The following TMEM132D variants were observed in gnomAD, a reference collection of about 807,000 sequenced individuals.
The protein encoded by TMEM132D is transmembrane protein 132D.
Under a neutral mutation model 62.3 loss-of-function variants are expected in TMEM132D, and 21 were observed. That is an observed-to-expected ratio of 0.34 (90% confidence interval 0.24 to 0.49). TMEM132D has a LOEUF of 0.49. TMEM132D is among the 20% of genes least tolerant of loss of function. The probability of loss-of-function intolerance (pLI) is 0.99; values close to 1 mark genes in which losing one functional copy is unlikely to be tolerated. For missense variants in TMEM132D, 1,346 were observed against 1,402.8 expected (o/e 0.96, Z 0.65); for synonymous variants, 621 against 575.6 (o/e 1.08, Z -1.13).
At chr12:129,703,971 G>T (rs1466861516) in intron 1 of TMEM132D, among the ~76,000 whole-genome samples, 2 of 150,328 alleles carry the variant, frequency 1.3e-5, no homozygotes, top group African/African-American at 2.4e-5. Flanking sequence ...GGTACAATCT[G>T]CATGCCATAG....
intron 4 of TMEM132D, among the ~76,000 whole-genome samples, chr12:129,336,919 C>T (rs1869300849): frequency 6.6e-6 from 1 of 152,204 alleles, no homozygotes; most frequent in Non-Finnish European, 1.5e-5. Flanking sequence ...TTGCCATTCC[C>T]AGTGACAGAA....
intron 5 of TMEM132D, among the ~76,000 whole-genome samples, chr12:129,126,068 C>T (rs1876204281): frequency 6.6e-6 from 1 of 152,188 alleles, no homozygotes; most frequent in Non-Finnish European, 1.5e-5. Context: ...TTGGGGATTG[C>T]ATGTGCTCAG....
chr12:129,198,113 G>T (rs1262930670), intron 5 of TMEM132D, among the ~76,000 whole-genome samples: 2 of 152,010 alleles, frequency 1.3e-5, no homozygotes, highest in Non-Finnish European at 2.9e-5. Context: ...TGTCAGAATG[G>T]CTATTATTAA....
At chr12:129,496,587 CAAG>C (rs1454532971) in intron 3 of TMEM132D, among the ~76,000 whole-genome samples, 1 of 151,622 alleles carries the variant, frequency 6.6e-6, no homozygotes, top group African/African-American at 2.4e-5. Context: ...CAAGTGGACA[CAAG>C]AAATATTCAC....
At chr12:129,391,961 T>A (rs1387982820) in intron 3 of TMEM132D, among the ~76,000 whole-genome samples, 1 of 152,070 alleles carries the variant, frequency 6.6e-6, no homozygotes, top group Non-Finnish European at 1.5e-5. Flanking sequence ...TTCACCATGT[T>A]GGCCAGGCTG....
intron 5 of TMEM132D, among the ~76,000 whole-genome samples, chr12:129,207,252 T>A (rs1878880142): frequency 7.1e-6 from 1 of 140,300 alleles, no homozygotes; most frequent in African/African-American, 2.6e-5. Flanking sequence ...AGAAGATGAA[T>A]ACAGCACCGC....
chr12:129,615,360 A>G (rs1039260010), intron 2 of TMEM132D, among the ~76,000 whole-genome samples: 1 of 152,094 alleles, frequency 6.6e-6, no homozygotes, highest in Non-Finnish European at 1.5e-5. Flanking sequence ...GTGAAAGGTT[A>G]CAAAAGGAGG....
At chr12:129,256,131 G>A (rs1880393688) in intron 4 of TMEM132D, among the ~76,000 whole-genome samples, 1 of 152,222 alleles carries the variant, frequency 6.6e-6, no homozygotes, top group Admixed American at 6.5e-5. Context: ...CCAGACTGGA[G>A]TGCAGTGGTG....
intron 3 of TMEM132D, among the ~76,000 whole-genome samples, chr12:129,492,149 CTTTTTCTT>C (rs974646074): frequency 2.9e-4 from 44 of 152,192 alleles, no homozygotes; most frequent in Non-Finnish European, 4.7e-4. Context: ...AGTGTCTTCT[CTTTTTCTT>C]TTTTTCTTAA....
At chr12:129,792,378 A>G (rs1871424303) in intron 1 of TMEM132D, among the ~76,000 whole-genome samples, 1 of 152,154 alleles carries the variant, frequency 6.6e-6, no homozygotes, top group Non-Finnish European at 1.5e-5. Context: ...ATCAATGTGT[A>G]TGTACCCGGT....
At chr12:129,702,613 T>A (rs1881411308) in intron 1 of TMEM132D, among the ~76,000 whole-genome samples, 1 of 152,210 alleles carries the variant, frequency 6.6e-6, no homozygotes, top group African/African-American at 2.4e-5. Flanking sequence ...ATGGTCTCCA[T>A]CTGGGTTTTT....
intron 2 of TMEM132D, among the ~76,000 whole-genome samples, chr12:129,563,454 A>T (rs990846829): frequency 6.6e-6 from 1 of 152,062 alleles, no homozygotes; most frequent in Non-Finnish European, 1.5e-5. Flanking sequence ...CTCCTTCTTA[A>T]TCTTTCTAAG....
chr12:129,859,304 G>A (rs1873814881), intron 1 of TMEM132D, among the ~76,000 whole-genome samples: 1 of 152,196 alleles, frequency 6.6e-6, no homozygotes, highest in African/African-American at 2.4e-5. Context: ...TTAGGTTGGT[G>A]TAAAAGTAAT....
intron 1 of TMEM132D, among the ~76,000 whole-genome samples, chr12:129,783,468 C>A (rs192459091): frequency 1.3e-5 from 2 of 152,314 alleles, no homozygotes; most frequent in South Asian, 2.1e-4. Flanking sequence ...ACACTCCCAT[C>A]TGATGGTGTT....
At chr12:129,257,697 C>A (rs1697031984) in intron 4 of TMEM132D, among the ~76,000 whole-genome samples, 1 of 152,148 alleles carries the variant, frequency 6.6e-6, no homozygotes, top group South Asian at 2.1e-4. Context: ...GCTACCCATG[C>A]AGATGTAGGG....
intron 2 of TMEM132D, among the ~76,000 whole-genome samples, chr12:129,672,256 G>A (rs1236093510): frequency 6.6e-6 from 1 of 152,174 alleles, no homozygotes; most frequent in Non-Finnish European, 1.5e-5. Context: ...AGGGCATTTG[G>A]GCAAAAGCAA....
At chr12:129,685,622 C>G (rs925179691) in intron 2 of TMEM132D, among the ~76,000 whole-genome samples, 4 of 152,160 alleles carry the variant, frequency 2.6e-5, no homozygotes, top group Non-Finnish European at 5.9e-5. Context: ...ACACAGAGTC[C>G]CCACTGGGGT....
chr12:129,466,573 A>G (rs947457724), intron 3 of TMEM132D, among the ~76,000 whole-genome samples: 5 of 152,030 alleles, frequency 3.3e-5, no homozygotes, highest in Non-Finnish European at 1.5e-5. Context: ...TCTATCACCT[A>G]TAATAACACT....
chr12:129,686,131 G>A (rs932687431), intron 2 of TMEM132D, among the ~76,000 whole-genome samples: 11 of 152,152 alleles, frequency 7.2e-5, no homozygotes, highest in East Asian at 3.9e-4. Context: ...GGGGGACACC[G>A]TTGGGAAGGC....
Sources: allele counts gnomAD v4.1 joint callset (sites outside exome capture counted in the v4.1 genomes callset), GRCh38; gene constraint gnomAD v4.1.1; transcripts MANE v1.5; gene names NCBI Gene and HGNC (gene_info 2026-07-23, HGNC 2026-07-21).